Variants in CHST13 observed in about 807,000 individuals in gnomAD.
CHST13 encodes C4ST-3.
Under a neutral mutation model 7.0 loss-of-function variants are expected in CHST13, and 1 was observed. That is an observed-to-expected ratio of 0.14 (90% confidence interval 0.05 to 0.68). The LOEUF is 0.68. Ranked by LOEUF, CHST13 falls within the 30% of genes least tolerant of loss-of-function variation. The probability of loss-of-function intolerance (pLI) is 0.82; values close to 1 mark genes in which losing one functional copy is unlikely to be tolerated. For synonymous variants in CHST13, 257 were observed against 240.9 expected (o/e 1.07, Z -0.62); for missense variants, 572 against 507.9 (o/e 1.13, Z -1.21).
chr3:126,538,243 CCCA>C (rs2107569957), intron 2 of CHST13, among the ~76,000 whole-genome samples: 1 of 152,342 alleles, frequency 6.6e-6, no homozygotes, highest in African/African-American at 2.4e-5. Flanking sequence ...CAGCCAGCTG[CCCA>C]CCATCGTCCT....
intron 2 of CHST13, 46 bp from the exon 3 acceptor site, chr3:126,541,687 G>A: frequency 7.2e-7 from 1 of 1,385,634 alleles, no homozygotes; most frequent in Non-Finnish European, 9.3e-7. Context: ...CAGGGAGCCC[G>A]CGCTGCCCTG....
intron 2 of CHST13, among the ~76,000 whole-genome samples, chr3:126,540,511 T>G (rs1414522727): frequency 6.6e-6 from 1 of 152,230 alleles, no homozygotes; most frequent in Non-Finnish European, 1.5e-5. Flanking sequence ...GACTGTACTA[T>G]TCGCTTGGCA....
In CHST13 at chr3:126,541,915, G is replaced by A. The variant is rs1464217641; in HGVS notation, c.363G>A (p.Lys121=). ...CCAAGGTGGCCTGCACCAACTGGAA[G>A]CGCGTGCTGCTGGCGCTGAGCGGCC... The part of the protein sequence containing the change: ...YVPKVACTNW[K]RVLLALSGQA... Residue 121 remains lysine, a synonymous_variant, in exon 3 of 3, where the codon AAG becomes AAA. Coordinates refer to ENST00000319340, the MANE Select transcript of CHST13 (RefSeq NM_152889.3). 1.9e-6 allele frequency: 3 copies of A among 1,599,136 alleles called. No individual in the cohort carries two copies. The highest frequency in any genetic ancestry group is 2.7e-5 in the African/African-American group (2 of 73,660).
intron 1 of CHST13, among the ~76,000 whole-genome samples, chr3:126,533,318 A>G (rs894433201): frequency 3.9e-5 from 6 of 152,202 alleles, no homozygotes; most frequent in Admixed American, 2.0e-4. Flanking sequence ...GATCTTAGGG[A>G]GAAAGCTTCC....
chr3:126,529,101 G>C (rs1449619072), intron 1 of CHST13: 1 of 380,604 alleles, frequency 2.6e-6, no homozygotes, highest in Non-Finnish European at 5.2e-6. Context: ...TCTGCAAACA[G>C]CATCCCCCTA....
intron 2 of CHST13, among the ~76,000 whole-genome samples, chr3:126,537,485 C>G (rs1936822690): frequency 6.6e-6 from 1 of 152,334 alleles, no homozygotes; most frequent in Non-Finnish European, 1.5e-5. Flanking sequence ...GGTGGCTGCT[C>G]CCCAAATCCT....
At chr3:126,524,506 C>T (rs973905793) in intron 1 of CHST13, 77 bp downstream of exon 1, 1 of 469,724 alleles carries the variant, frequency 2.1e-6, no homozygotes, top group Admixed American at 4.5e-5. Flanking sequence ...CCTGACCCCT[C>T]GACAGCGCGG....
At position 126,542,882 on chromosome 3, in the gene CHST13, C is replaced by A; in HGVS notation, c.*304C>A. 1 of 269,502 alleles carries A rather than the reference C, an allele frequency of 3.7e-6. No individual in the cohort carries two copies. Among genetic ancestry groups the A allele is most frequent in the Non-Finnish European group, 6.9e-6 (1 of 144,808 alleles). 16.7% of individuals were successfully genotyped at this position (269,502 alleles called of 1,614,324 possible). A position where few individuals can be genotyped will look rare whatever the true frequency, so the allele number is the denominator to read the frequency against. On this transcript the variant is annotated 3_prime_UTR_variant, in exon 3 of 3. Transcript: ENST00000319340. ...AGGACTTGATAACCAGGGTTTTAGGCTTTTAAAGGCCATTTTGGGGGTCAG... is the reference window on the plus strand; with the variant it reads ...AGGACTTGATAACCAGGGTTTTAGGATTTTAAAGGCCATTTTGGGGGTCAG...
chr3:126,534,259 G>T (rs1318654036), intron 1 of CHST13, among the ~76,000 whole-genome samples: 1 of 152,152 alleles, frequency 6.6e-6, no homozygotes, highest in Non-Finnish European at 1.5e-5. Context: ...ATATTACTGA[G>T]AACATATTAA....
At chr3:126,532,948 C>T (rs1306841119) in intron 1 of CHST13, among the ~76,000 whole-genome samples, 4 of 152,302 alleles carry the variant, frequency 2.6e-5, no homozygotes, top group East Asian at 3.9e-4. Context: ...TCAACGATGT[C>T]TCATGGTTTT....
At position 126,542,107 on chromosome 3, in the gene CHST13, C is replaced by A. The variant is rs753465305; in HGVS notation, c.555C>A (p.Arg185=). 1 of 1,581,210 alleles carries A rather than the reference C, an allele frequency of 6.3e-7. No homozygotes were observed. The highest frequency in any genetic ancestry group is 8.6e-7 in the Non-Finnish European group (1 of 1,167,994). Residue 185 remains arginine, a synonymous_variant, in exon 3 of 3, where the codon CGC becomes CGA. Coordinates refer to ENST00000319340, the MANE Select transcript of CHST13 (RefSeq NM_152889.3). The part of the protein sequence containing the change: ...EPFERLASAY[R]NKLARPYSAA... ...TCGAGCGCCTGGCATCGGCTTACCG[C>A]AACAAGCTCGCGCGCCCCTACAGCG...
chr3:126,530,531 C>T (rs1936635881), intron 1 of CHST13, among the ~76,000 whole-genome samples: 1 of 152,218 alleles, frequency 6.6e-6, no homozygotes, highest in Non-Finnish European at 1.5e-5. Context: ...AGCCACAGTT[C>T]CCAGGAAAGG....
chr3:126,530,745 G>A (rs114218365), intron 1 of CHST13, among the ~76,000 whole-genome samples: 2,732 of 152,348 alleles, frequency 0.018, 39 homozygotes, highest in Middle Eastern at 0.037. Context: ...TGACGGTGTC[G>A]TTCCTGGGAC....
intron 1 of CHST13, among the ~76,000 whole-genome samples, chr3:126,528,881 T>C (rs2107562359): frequency 6.6e-6 from 1 of 152,328 alleles, no homozygotes; most frequent in Non-Finnish European, 1.5e-5. Context: ...TGTCCCTGAC[T>C]CTGAGACATG....
chr3:126,534,387 A>G (rs565832824), intron 1 of CHST13, among the ~76,000 whole-genome samples: 32 of 149,026 alleles, frequency 2.1e-4, no homozygotes, highest in Non-Finnish European at 3.7e-4. Context: ...GCAGTGCAGC[A>G]AGGAGACAGA....
chr3:126,534,575 A>G (rs983363438), intron 1 of CHST13, among the ~76,000 whole-genome samples: 1 of 151,760 alleles, frequency 6.6e-6, no homozygotes, highest in African/African-American at 2.4e-5. Flanking sequence ...CAGGAGAGAG[A>G]CACACACAGA....
chr3:126,541,620 C>A (rs1936957518), intron 2 of CHST13, 113 bp from the exon 3 acceptor site: 1 of 1,050,984 alleles, frequency 9.5e-7, no homozygotes, highest in Non-Finnish European at 1.3e-6. Context: ...ATTTGGGTGC[C>A]CGGCGCAGCT....
chr3:126,538,430 A>G (rs991451308), intron 2 of CHST13, among the ~76,000 whole-genome samples: 11 of 152,206 alleles, frequency 7.2e-5, no homozygotes, highest in Non-Finnish European at 1.5e-4. Context: ...TAATCCCCTG[A>G]TATCGCCTCA....
At chr3:126,540,765 T>C (rs1936941164) in intron 2 of CHST13, among the ~76,000 whole-genome samples, 1 of 152,228 alleles carries the variant, frequency 6.6e-6, no homozygotes, top group Non-Finnish European at 1.5e-5. Flanking sequence ...ACATGTTTAC[T>C]GGTTTTGAGG....
Sources: gnomAD v4.1 joint callset for allele counts (sites outside exome capture counted in the v4.1 genomes callset) on GRCh38, gnomAD v4.1.1 for gene constraint, MANE v1.5 for transcripts, NCBI Gene and HGNC (gene_info 2026-07-23, HGNC 2026-07-21) for gene names.